The following MALAT1 variants were observed in gnomAD, a reference collection of about 807,000 sequenced individuals.
The protein encoded by MALAT1 is hepcarcin.
At chr11:65,501,228 T>A (rs772175557) in exon 3 of MALAT1, 1 of 495,898 alleles carries the variant, frequency 2.0e-6, no homozygotes, top group African/African-American at 2.1e-5. Context: ...TTCAGTATTT[T>A]TTTTTGTGGG....
exon 3 of MALAT1, chr11:65,501,005 T>TG (rs752613654): frequency 6.1e-5 from 31 of 505,240 alleles, no homozygotes; most frequent in African/African-American, 4.5e-4. Flanking sequence ...GGCAAGTTTG[T>TG]GGGTTTTTTT....
rs748230993 is a variant in MALAT1, at chr11:65,497,951, C to T, written n.178+86C>T. The T allele has an allele frequency of 4.0e-5, 21 of 518,942 alleles. No individual in the cohort carries two copies. In the East Asian group the frequency reaches 1.1e-3, roughly 27 times the overall value. 32.1% of individuals were successfully genotyped at this position (518,942 alleles called of 1,614,324 possible). A position where few individuals can be genotyped will look rare whatever the true frequency, so the allele number is the denominator to read the frequency against. On this transcript the variant is annotated intron_variant and non_coding_transcript_variant, in intron 1 of 3. Transcript: ENST00000619449. ...CGAGTTGTGCTGCTATCTTAGCTGT[C>T]CTTATAGGCTGGCCATTCCAGGTGG...
chr11:65,499,227 G>T (rs1221097585), exon 3 of MALAT1: 2 of 504,150 alleles, frequency 4.0e-6, no homozygotes, highest in Non-Finnish European at 7.8e-6. Context: ...AATAGCTTAA[G>T]ATTTTAAGAG....
At chr11:65,501,967 G>A (rs1186056729) in exon 3 of MALAT1, 4 of 514,368 alleles carry the variant, frequency 7.8e-6, no homozygotes, top group East Asian at 5.5e-5. Context: ...TAAAGTCTTA[G>A]AATGGAAAAA....
chr11:65,506,094 G>C (rs1196042482), intron 3 of MALAT1: 1 of 395,296 alleles, frequency 2.5e-6, no homozygotes, highest in African/African-American at 2.2e-5. Context: ...CCTTTTTCTA[G>C]CTTAAAAAAA....
chr11:65,506,019 G>T (rs371960828), intron 3 of MALAT1: 14 of 458,986 alleles, frequency 3.1e-5, no homozygotes, highest in Non-Finnish European at 4.6e-5. Context: ...CTTCAGTAGG[G>T]TCATGAAGGT....
chr11:65,502,155 T>C (rs1854565008), exon 3 of MALAT1: 3 of 517,044 alleles, frequency 5.8e-6, no homozygotes, highest in East Asian at 1.1e-4. Context: ...CTTCAAAGTA[T>C]AGAGCTTTTG....
chr11:65,505,673 TGTCGAG>T (rs1854670380), intron 3 of MALAT1: 2 of 518,914 alleles, frequency 3.9e-6, no homozygotes, highest in Admixed American at 3.9e-5. Context: ...GTAACGATGG[TGTCGAG>T]GTCTTTGGTG....
exon 4 of MALAT1, chr11:65,506,317 C>G (rs1854696555): frequency 4.3e-6 from 2 of 464,692 alleles, no homozygotes; most frequent in African/African-American, 2.1e-5. Context: ...TATAATTTGT[C>G]AGGAGCTTGA....
chr11:65,497,774 G>T (rs528013347), exon 1 of MALAT1: 11 of 466,968 alleles, frequency 2.4e-5, no homozygotes, highest in Non-Finnish European at 4.3e-5. Flanking sequence ...AAAGGACTGG[G>T]GCCCCGCAAC....
exon 3 of MALAT1, chr11:65,500,878 T>C: frequency 1.9e-6 from 1 of 518,006 alleles, no homozygotes. Flanking sequence ...AAGGGATTTA[T>C]ATGGGGACGT....
chr11:65,502,005 C>A (rs1439345168), exon 3 of MALAT1: 1 of 512,702 alleles, frequency 2.0e-6, no homozygotes, highest in Admixed American at 2.0e-5. Context: ...TCCAAGTTGG[C>A]AAGTAACTCC....
chr11:65,502,180 T>C (rs1416009361), exon 3 of MALAT1: 1 of 517,602 alleles, frequency 1.9e-6, no homozygotes, highest in South Asian at 1.4e-5. Flanking sequence ...AGGAAAGTAT[T>C]GAACTGGGGG....
At chr11:65,497,770 C>G (rs778498171) in exon 1 of MALAT1, 1 of 464,494 alleles carries the variant, frequency 2.2e-6, no homozygotes, top group Non-Finnish European at 4.3e-6. Context: ...CTGTAAAGGA[C>G]TGGGGCCCCG....
exon 3 of MALAT1, chr11:65,500,184 A>AT: frequency 2.0e-6 from 1 of 509,040 alleles, no homozygotes; most frequent in Non-Finnish European, 3.9e-6. Flanking sequence ...GACTGGTGTA[A>AT]TTTAAAAAAA....
chr11:65,503,391 C>G (rs192992046), exon 3 of MALAT1: 4 of 517,458 alleles, frequency 7.7e-6, no homozygotes, highest in South Asian at 1.4e-5. Context: ...GGATAGTACA[C>G]TTCACTCAGA....
Position 65,500,092 on chromosome 11 carries a change from C to G in MALAT1, n.1355C>G, listed in dbSNP as rs751192009. On this transcript the variant is annotated non_coding_transcript_exon_variant, in exon 3 of 4. Coordinates refer to ENST00000619449, the Ensembl canonical transcript of MALAT1. The stretch of plus-strand genomic sequence containing the variant: ...AAGCTTGAGAAGATGAGGGTGTTTA[C>G]GTAGACCAGAACCAATTTAGAAGAA... 3 of 462,500 alleles carry G rather than the reference C, an allele frequency of 6.5e-6. No homozygotes were observed. The Admixed American group carries it at 7.0e-5, about 11-fold the overall frequency. The allele number at this position is 462,500 out of a possible 1,614,324, so 28.6% of individuals were successfully genotyped here.
At chr11:65,504,332 C>G in intron 3 of MALAT1, 1 of 512,136 alleles carries the variant, frequency 2.0e-6, no homozygotes, top group African/African-American at 2.0e-5. Context: ...ACAGACTTCA[C>G]AGAGAATGCA....
At chr11:65,498,150 C>T (rs1219958666) in intron 1 of MALAT1, 3 of 518,818 alleles carry the variant, frequency 5.8e-6, no homozygotes, top group South Asian at 1.4e-5. Context: ...GCAGTGTAAA[C>T]ACTTCTGGGT....
Sources: gnomAD v4.1 joint callset for allele counts on GRCh38, gnomAD v4.1.1 for gene constraint, MANE v1.5 for transcripts, NCBI Gene and HGNC (gene_info 2026-07-23, HGNC 2026-07-21) for gene names.